Variants in GLT8D2 observed in about 807,000 individuals in gnomAD.
GLT8D2 encodes glycosyltransferase 8 domain containing 2, also known as glycosyltransferase 8 domain-containing protein 2.
A neutral mutation model predicts 44.5 loss-of-function variants in GLT8D2; 45 were observed. That is an observed-to-expected ratio of 1.01 (90% CI 0.80 to 1.30). The LOEUF (loss-of-function observed/expected upper bound fraction) is 1.30. GLT8D2 is among the 50% of genes most tolerant of loss of function. GLT8D2 has a pLI of 0.00. For missense variants in GLT8D2, 400 were observed against 430.4 expected (o/e 0.93, Z 0.62); for synonymous variants, 156 against 157.2 (o/e 0.99, Z 0.06).
At position 104,016,754 on chromosome 12, in the gene GLT8D2, AGAAAGAAAGAAAGAAAGAAAGAAGGAAG is replaced by A. The variant is rs1394290584; in HGVS notation, c.20-1677_20-1650del. On this transcript the variant is annotated intron_variant, in intron 3 of 10. Transcript: ENST00000360814. Reference sequence around the variant, plus strand: ...AAGAAAGAAAGAAAGAAAGAAAGAAAGAAAGAAAGAAAGAAAGAAAGAAGGAAGGAAGGAAGGAAGGAAGGAAGGAAGG... The same window carrying A: ...AAGAAAGAAAGAAAGAAAGAAAGAAAGAAGGAAGGAAGGAAGGAAGGAAGG... Among the ~76,000 whole-genome samples, 36 of 109,138 alleles carry A rather than the reference AGAAAGAAAGAAAGAAAGAAAGAAGGAAG, an allele frequency of 3.3e-4. 1 individual carries two copies. The highest frequency in any genetic ancestry group is 4.3e-3 in the Middle Eastern group (1 of 234). 71.6% of individuals were successfully genotyped at this position (109,138 alleles called of 152,430 possible). A position where few individuals can be genotyped will look rare whatever the true frequency, so the allele number is the denominator to read the frequency against.
rs1288972016 is a variant in GLT8D2 at position 103,989,415 on chromosome 12, T to C, written c.1043A>G (p.His348Arg). The change falls in exon 11 of 11, where the codon CAT (histidine) becomes CGT (arginine). Residue 348 changes from histidine (H) to arginine (R), a missense_variant. Coordinates refer to ENST00000360814, the MANE Select transcript of GLT8D2 (RefSeq NM_001384711.1). ...DPAGIFKLNH[H>R]S ...TTTAAGGGTAGAGTTATATCAGCTA[T>C]GGTGATTGAGTTTAAATATCCCTGC... The C allele has an allele frequency of 1.5e-5, 24 of 1,608,904 alleles. No homozygotes were observed. Among genetic ancestry groups the C allele is most frequent in the Non-Finnish European group, 2.0e-5 (24 of 1,178,262 alleles).
chr12:103,993,443 A>G lies in GLT8D2; in HGVS notation c.829T>C (p.Phe277Leu). The G allele has an allele frequency of 6.2e-7, 1 of 1,614,118 alleles. No individual in the cohort carries two copies. The highest frequency in any genetic ancestry group is 8.5e-7 in the Non-Finnish European group (1 of 1,179,960). ...GVATSPMLIV[F>L]HGKYSTINPL... is the part of the protein sequence containing the mutation. ...TTAATTGTGGAATATTTCCCATGAA[A>G]CACAATCAGCATTGGGGAGGTGGCC... is the stretch of plus-strand genomic sequence containing the variant. The change falls in exon 10 of 11, where the codon TTT (phenylalanine) becomes CTT (leucine). Residue 277 changes from phenylalanine (F) to leucine (L), a missense_variant. Physicochemically the swap from Phe to Leu is conservative, Grantham distance 22. Coordinates refer to ENST00000360814, the MANE Select transcript of GLT8D2 (RefSeq NM_001384711.1).
Position 104,015,055 on chromosome 12 carries a change from A to G in GLT8D2, c.70T>C (p.Tyr24His). The G allele has an allele frequency of 6.2e-7, 1 of 1,613,916 alleles. No individual in the cohort carries two copies. Among genetic ancestry groups the G allele is most frequent in the Non-Finnish European group, 8.5e-7 (1 of 1,179,856 alleles). ...LLIVTLCVIL[Y>H]KKVHKGTVPK... ...ACAGTCCCCTTATGAACTTTCTTAT[A>G]CAGAATCACACAGAGGGTCACGATC... Residue 24 changes from tyrosine (Y) to histidine (H), a missense_variant, in exon 4 of 11, where the codon TAT becomes CAT. By Grantham distance (83) the Tyr-to-His change is moderately conservative. Coordinates refer to ENST00000360814, the MANE Select transcript of GLT8D2 (RefSeq NM_001384711.1).
intron 1 of GLT8D2, among the ~76,000 whole-genome samples, chr12:104,055,488 G>A (rs185024351): frequency 3.3e-5 from 5 of 152,334 alleles, no homozygotes; most frequent in Admixed American, 2.0e-4. Context: ...ATCTTGCTAT[G>A]TGAGGAAAAT....
chr12:103,989,771 T>C (rs1466787336), intron 10 of GLT8D2, among the ~76,000 whole-genome samples, 194 bp from the exon 11 acceptor site: 1 of 152,120 alleles, frequency 6.6e-6, no homozygotes, highest in African/African-American at 2.4e-5. Flanking sequence ...TGTTATAGCA[T>C]TGTTTGACCT....
At chr12:104,034,244 C>T (rs1318768687) in intron 1 of GLT8D2, among the ~76,000 whole-genome samples, 1 of 152,174 alleles carries the variant, frequency 6.6e-6, no homozygotes, top group Admixed American at 6.5e-5. Context: ...TGGGTGATTT[C>T]TGCATTTCCA....
At chr12:103,999,271 T>C in intron 6 of GLT8D2, 126 bp downstream of exon 6, 2 of 625,696 alleles carry the variant, frequency 3.2e-6, no homozygotes, top group South Asian at 4.5e-5. Context: ...AAGCGGAGTT[T>C]GGTGGAGATC....
At chr12:104,040,260 C>T (rs189827269) in intron 1 of GLT8D2, among the ~76,000 whole-genome samples, 4 of 152,138 alleles carry the variant, frequency 2.6e-5, no homozygotes, top group Middle Eastern at 3.4e-3. Flanking sequence ...CAAACCTGCA[C>T]GTTGTGCACA....
chr12:103,990,510 A>G (rs1333399541), intron 10 of GLT8D2, among the ~76,000 whole-genome samples: 1 of 152,184 alleles, frequency 6.6e-6, no homozygotes, highest in Non-Finnish European at 1.5e-5. Context: ...GCGTGAATGT[A>G]CAATTTTTTA....
intron 8 of GLT8D2, among the ~76,000 whole-genome samples, chr12:103,995,690 A>G (rs2136275949): frequency 6.6e-6 from 1 of 152,366 alleles, no homozygotes; most frequent in South Asian, 2.1e-4. Flanking sequence ...GGCACAGAGT[A>G]AGCACTCAAT....
chr12:104,011,121 C>G (rs752753041), intron 4 of GLT8D2, among the ~76,000 whole-genome samples: 1 of 152,160 alleles, frequency 6.6e-6, no homozygotes, highest in Non-Finnish European at 1.5e-5. Flanking sequence ...CAAAAAGTTC[C>G]CCCTGGACAG....
At chr12:104,064,306 G>A (rs1195992723), upstream of GLT8D2, 1 of 400,458 alleles carries the variant, frequency 2.5e-6, no homozygotes, top group Non-Finnish European at 4.4e-6. The surrounding 1 kb of genome is among the most constrained non-coding windows in gnomAD (Gnocchi z 7.3). Context: ...GTGGTCAGTG[G>A]GAAGCGTCCT....
At chr12:104,031,473 T>C in intron 1 of GLT8D2, 2 of 1,613,292 alleles carry the variant, frequency 1.2e-6, no homozygotes, top group South Asian at 2.2e-5. Context: ...CCCATGCAGT[T>C]TCTGGGGGAT....
Position 104,024,860 on chromosome 12 carries a change from C to T in GLT8D2, c.-163-3369G>A, listed in dbSNP as rs990613942. Among the ~76,000 whole-genome samples, 12 of 152,158 alleles carry T rather than the reference C, an allele frequency of 7.9e-5. No homozygotes were observed. In the Middle Eastern group the frequency reaches 0.017, roughly 216 times the overall value. ...TTGAGGCTGGCAGATCACTTGATGT[C>T]AGGAGTGTAAGACCAGCCTGGCCAA... On this transcript the variant is annotated intron_variant, in intron 1 of 10. Coordinates refer to ENST00000360814, the MANE Select transcript of GLT8D2 (RefSeq NM_001384711.1).
At chr12:104,021,942 GA>G (rs1566202487) in intron 1 of GLT8D2, among the ~76,000 whole-genome samples, 1,316 of 26,020 alleles carry the variant, frequency 0.051, 160 homozygotes, top group East Asian at 0.23. Context: ...AGAAGAAGAA[GA>G]AGAAGAAGAA....
intron 4 of GLT8D2, 57 bp from the exon 5 acceptor site, chr12:104,003,363 T>C: frequency 6.8e-7 from 1 of 1,465,964 alleles, no homozygotes; most frequent in Non-Finnish European, 9.5e-7. Context: ...GTAGAGCCAG[T>C]TTAATGCATC....
At chr12:104,012,185 A>ATATATATAT (rs1457476166) in intron 4 of GLT8D2, among the ~76,000 whole-genome samples, 158 of 85,848 alleles carry the variant, frequency 1.8e-3, no homozygotes, top group Non-Finnish European at 2.1e-3. Context: ...AAAAAAAAAA[A>ATATATATAT]AAAAATATAT....
intron 1 of GLT8D2, among the ~76,000 whole-genome samples, chr12:104,057,096 A>T (rs921712119): frequency 6.6e-6 from 1 of 152,260 alleles, no homozygotes; most frequent in African/African-American, 2.4e-5. Context: ...AGAGAGACTT[A>T]GTAAAGGTAA....
chr12:103,993,457 G>A lies in GLT8D2; in HGVS notation c.815C>T (p.Pro272Leu), dbSNP rs146519026. The change falls in exon 10 of 11, where the codon CCA (proline) becomes CTA (leucine). Residue 272 changes from proline to leucine, a missense_variant. By Grantham distance (98) the Pro-to-Leu change is moderately conservative. Coordinates refer to ENST00000360814, the MANE Select transcript of GLT8D2 (RefSeq NM_001384711.1). Reference sequence around the variant, plus strand: ...TTTCCCATGAAACACAATCAGCATTGGGGAGGTGGCCACCCCTCCTCCCAG... The same window carrying A: ...TTTCCCATGAAACACAATCAGCATTAGGGAGGTGGCCACCCCTCCTCCCAG... ...SSLGGGVATS[P>L]MLIVFHGKYS... 6.2e-7 allele frequency: 1 copy of A among 1,612,926 alleles called. No individual in the cohort carries two copies. Among genetic ancestry groups the A allele is most frequent in the African/African-American group, 1.3e-5 (1 of 74,838 alleles).
Sources: gnomAD v4.1 joint callset for allele counts (sites outside exome capture counted in the v4.1 genomes callset) on GRCh38, gnomAD v4.1.1 for gene constraint, Gnocchi (gnomAD v3.1) non-coding constraint, MANE v1.5 for transcripts, NCBI Gene and HGNC (gene_info 2026-07-23, HGNC 2026-07-21) for gene names.